Variants in SS18L1 observed in about 807,000 individuals in gnomAD.
SS18L1 encodes the protein calcium-responsive transactivator.
Under a neutral mutation model 70.3 loss-of-function variants are expected in SS18L1, and 32 were observed. The ratio of observed to expected loss-of-function variants is 0.46; its 90% CI spans 0.34 to 0.61. The LOEUF (loss-of-function observed/expected upper bound fraction) is 0.61, where lower values mean the gene tolerates loss of function less well. Among genes scored for constraint, SS18L1 ranks in the 20% least tolerant of loss-of-function variants. The pLI is 0.01. For missense variants in SS18L1, 430 were observed against 542.1 expected (o/e 0.79, Z 2.05); for synonymous variants, 237 against 229.7 (o/e 1.03, Z -0.29).
At chr20:62,165,615 G>C in intron 8 of SS18L1, 101 bp downstream of exon 8, 1 of 1,113,496 alleles carries the variant, frequency 9.0e-7, no homozygotes. Flanking sequence ...CCTTCAGTGA[G>C]TCCCTTAAAT....
rs2057593365 is a variant in SS18L1 at position 62,174,840 on chromosome 20, CT to C, written c.1164+197del. ...GTATACGCTCACCTCAGTCATCCAG[CT>C]GGCTTTTCATACCCTAAGCTCACCG... On this transcript the variant is annotated intron_variant, in intron 10 of 10. Transcript: ENST00000331758. The surrounding 1 kb of genome is among the most constrained non-coding windows in gnomAD (Gnocchi z 4.1). 2 of 1,463,448 alleles carry C rather than the reference CT, an allele frequency of 1.4e-6. No homozygotes were observed. Among genetic ancestry groups the C allele is most frequent in the African/African-American group, 1.4e-5 (1 of 71,492 alleles). 90.7% of individuals were successfully genotyped at this position (1,463,448 alleles called of 1,614,324 possible).
At chr20:62,177,555 C>CT (rs2057641923) in intron 10 of SS18L1, among the ~76,000 whole-genome samples, 1 of 152,186 alleles carries the variant, frequency 6.6e-6, no homozygotes, top group Non-Finnish European at 1.5e-5. Flanking sequence ...CATTAACTAG[C>CT]TGGGGACACA....
chr20:62,167,047 T>TTTG (rs1335557007), intron 8 of SS18L1, among the ~76,000 whole-genome samples: 1 of 132,694 alleles, frequency 7.5e-6, no homozygotes, highest in African/African-American at 3.0e-5. Context: ...TGTTTGTTTT[T>TTTG]TTTTTTTTTT....
intron 1 of SS18L1, among the ~76,000 whole-genome samples, chr20:62,157,165 T>A (rs533294684): frequency 1.4e-4 from 22 of 152,270 alleles, no homozygotes; most frequent in Non-Finnish European, 2.9e-4. Flanking sequence ...GCGTCCTGTG[T>A]GGTGTCTGCA....
rs76163443 is a variant in SS18L1 at position 62,163,022 on chromosome 20, C to T, written c.556+91C>T. ...CGTTGGACATGTGGTCCCGGGGAAG[C>T]TGCCCTCCTGCTGGGTGCTGGAGGG... is the stretch of plus-strand genomic sequence containing the variant. On this transcript the variant is annotated intron_variant, in intron 5 of 10. Transcript: ENST00000331758. The T allele has an allele frequency of 5.1e-3, 7,641 of 1,501,208 alleles. 326 individuals are homozygous for T. The African/African-American group carries it at 0.091, about 18-fold the overall frequency. The allele number at this position is 1,501,208 out of a possible 1,614,324, so 93.0% of individuals were successfully genotyped here.
chr20:62,143,880 C>T lies in SS18L1; in HGVS notation c.60C>T (p.Thr20=), dbSNP rs2056969441. Reference sequence around the variant, plus strand: ...GCAAAGGGGAGGTTACGCAGCAAACCATCCAGAAGGTGGGCCGGGCCGGAG... The same window carrying T: ...GCAAAGGGGAGGTTACGCAGCAAACTATCCAGAAGGTGGGCCGGGCCGGAG... ...PRGKGEVTQQ[T]IQKMLDENHH... is the part of the protein sequence containing the mutation. Residue 20 remains threonine (T), a synonymous_variant, in exon 1 of 11, where the codon ACC becomes ACT. Transcript: ENST00000331758. The T allele has an allele frequency of 2.4e-6, 3 of 1,258,722 alleles. No homozygotes were observed. The highest frequency in any genetic ancestry group is 3.1e-6 in the Non-Finnish European group (3 of 968,656). 78.0% of individuals were successfully genotyped at this position (1,258,722 alleles called of 1,614,324 possible). A position where few individuals can be genotyped will look rare whatever the true frequency, so the allele number is the denominator to read the frequency against.
At chr20:62,144,619 T>C (rs2056990034) in intron 1 of SS18L1, among the ~76,000 whole-genome samples, 1 of 152,248 alleles carries the variant, frequency 6.6e-6, no homozygotes, top group African/African-American at 2.4e-5. Flanking sequence ...ACGGATTTGC[T>C]CCACAACCTT....
intron 8 of SS18L1, among the ~76,000 whole-genome samples, chr20:62,170,594 C>T (rs762125284): frequency 2.1e-4 from 32 of 152,264 alleles, no homozygotes; most frequent in South Asian, 4.1e-4. Context: ...GTTGAGAGCA[C>T]GGCCTGGGCT....
intron 10 of SS18L1, among the ~76,000 whole-genome samples, chr20:62,177,732 G>C (rs978584595): frequency 6.6e-6 from 1 of 152,114 alleles, no homozygotes; most frequent in Non-Finnish European, 1.5e-5. Context: ...GTTTTTTGTT[G>C]TTGTTTTTGA....
At chr20:62,146,453 A>T (rs1362150878) in intron 1 of SS18L1, among the ~76,000 whole-genome samples, 1 of 152,110 alleles carries the variant, frequency 6.6e-6, no homozygotes, top group Admixed American at 6.6e-5. Context: ...GGTGGCTTCA[A>T]ACAACAGAAA....
At chr20:62,154,858 C>T (rs2057194794) in intron 1 of SS18L1, among the ~76,000 whole-genome samples, 2 of 152,150 alleles carry the variant, frequency 1.3e-5, no homozygotes, top group Non-Finnish European at 2.9e-5. Flanking sequence ...CGCTGGCCCA[C>T]TCCCTTTCTT....
At chr20:62,155,986 T>C (rs1310488431) in intron 1 of SS18L1, among the ~76,000 whole-genome samples, 2 of 152,176 alleles carry the variant, frequency 1.3e-5, no homozygotes, top group Non-Finnish European at 2.9e-5. Context: ...CAAGTGGGTA[T>C]GTGTCTAACA....
At chr20:62,176,388 C>G (rs1254945417) in intron 10 of SS18L1, among the ~76,000 whole-genome samples, 4 of 152,158 alleles carry the variant, frequency 2.6e-5, no homozygotes, top group Non-Finnish European at 5.9e-5. Flanking sequence ...TGGTGCATGC[C>G]TGTAATCCCA....
At chr20:62,177,785 C>T (rs903776512) in intron 10 of SS18L1, among the ~76,000 whole-genome samples, 7 of 147,258 alleles carry the variant, frequency 4.8e-5, no homozygotes, top group African/African-American at 1.3e-4. Flanking sequence ...TGCAGTGGCA[C>T]GATCTCGCTC....
At chr20:62,178,141 CTTTTTTTTTT>C (rs61157167) in intron 10 of SS18L1, among the ~76,000 whole-genome samples, 1 of 97,830 alleles carries the variant, frequency 1.0e-5, no homozygotes, top group African/African-American at 4.7e-5. Flanking sequence ...GTGGCTTATT[CTTTTTTTTTT>C]TTTTTTTTTT....
intron 10 of SS18L1, among the ~76,000 whole-genome samples, chr20:62,177,426 C>A (rs1253264222): frequency 6.6e-6 from 1 of 152,194 alleles, no homozygotes; most frequent in Non-Finnish European, 1.5e-5. Context: ...AGAACAGACT[C>A]CCACTAACTA....
chr20:62,143,928 T>TGCGG (rs2056971183), intron 1 of SS18L1, 39 bp downstream of exon 1: 5 of 1,006,710 alleles, frequency 5.0e-6, no homozygotes, highest in South Asian at 4.4e-5. Flanking sequence ...GCGGCGGGTC[T>TGCGG]GCGGGCGGGC....
chr20:62,152,963 C>T (rs548178064), intron 1 of SS18L1, among the ~76,000 whole-genome samples: 7 of 152,078 alleles, frequency 4.6e-5, no homozygotes, highest in Non-Finnish European at 1.0e-4. Flanking sequence ...GCACCATGGG[C>T]GTGTGTGTTA....
intron 10 of SS18L1, 59 bp from the exon 11 acceptor site, chr20:62,179,123 G>A (rs2057670640): frequency 2.1e-5 from 33 of 1,597,812 alleles, no homozygotes; most frequent in Non-Finnish European, 2.7e-5. Flanking sequence ...TGGGGTGGAC[G>A]TCTGTCTTCC....
Sources: allele counts gnomAD v4.1 joint callset (sites outside exome capture counted in the v4.1 genomes callset), GRCh38; gene constraint gnomAD v4.1.1; non-coding constraint Gnocchi (gnomAD v3.1); transcripts MANE v1.5; gene names NCBI Gene and HGNC (gene_info 2026-07-23, HGNC 2026-07-21).